Variants in ZNF704 observed in about 807,000 individuals in gnomAD.
ZNF704 encodes glucocorticoid induced gene 1.
In ZNF704, 10 loss-of-function variants were observed where a neutral mutation model predicts 44.7. The observed-to-expected ratio is 0.22, with a 90% confidence interval of 0.14 to 0.38. ZNF704 has a LOEUF of 0.38. Among genes scored for constraint, ZNF704 ranks in the 10% least tolerant of loss-of-function variants. The pLI is 1.00. For synonymous variants in ZNF704, 211 were observed against 207.6 expected (o/e 1.02, Z -0.14); for missense variants, 390 against 545.5 (o/e 0.71, Z 2.84).
intron 2 of ZNF704, among the ~76,000 whole-genome samples, chr8:80,740,198 T>G (rs1016135075): frequency 1.3e-5 from 2 of 152,158 alleles, no homozygotes; most frequent in African/African-American, 2.4e-5. Context: ...TAATTATGCC[T>G]GAAAGCCCCA....
At chr8:80,867,874 C>T (rs1809183848) in intron 1 of ZNF704, among the ~76,000 whole-genome samples, 1 of 152,228 alleles carries the variant, frequency 6.6e-6, no homozygotes, top group African/African-American at 2.4e-5. Context: ...TATATTATCT[C>T]ATTTAAAAGC....
chr8:80,710,381 A>C (rs536300940), intron 2 of ZNF704, among the ~76,000 whole-genome samples: 1 of 152,160 alleles, frequency 6.6e-6, no homozygotes, highest in East Asian at 1.9e-4. Context: ...TACTCTCTTC[A>C]TTTTTTTAGG....
At chr8:80,826,140 G>C (rs28835025) in intron 1 of ZNF704, among the ~76,000 whole-genome samples, 32,169 of 151,864 alleles carry the variant, frequency 0.21, 4,745 homozygotes, top group African/African-American at 0.42. Flanking sequence ...AATCCAGGAG[G>C]TGGTTTTTTG....
At chr8:80,837,284 C>T (rs1038775959) in intron 1 of ZNF704, among the ~76,000 whole-genome samples, 1 of 152,220 alleles carries the variant, frequency 6.6e-6, no homozygotes, top group Non-Finnish European at 1.5e-5. Flanking sequence ...TCAAAGTATT[C>T]AACTTTAGTG....
chr8:80,752,992 G>A (rs1563541498), intron 2 of ZNF704, among the ~76,000 whole-genome samples: 1 of 152,306 alleles, frequency 6.6e-6, no homozygotes, highest in East Asian at 1.9e-4. Flanking sequence ...GTAGACAGTA[G>A]CCAGCCAACT....
At chr8:80,851,047 A>G (rs1808850355) in intron 1 of ZNF704, among the ~76,000 whole-genome samples, 1 of 152,222 alleles carries the variant, frequency 6.6e-6, no homozygotes, top group African/African-American at 2.4e-5. Flanking sequence ...GGCTTACTAC[A>G]CACCTAGGCT....
chr8:80,867,094 T>C (rs1353228375), intron 1 of ZNF704, among the ~76,000 whole-genome samples: 1 of 152,152 alleles, frequency 6.6e-6, no homozygotes, highest in Non-Finnish European at 1.5e-5. Flanking sequence ...AAGTTTACTA[T>C]CAGCACCACA....
chr8:80,724,085 G>A (rs1159177534), intron 2 of ZNF704, among the ~76,000 whole-genome samples: 2 of 152,048 alleles, frequency 1.3e-5, no homozygotes, highest in African/African-American at 2.4e-5. Context: ...TTCTTAGATG[G>A]GATTACTTTT....
chr8:80,780,037 T>C (rs1414981697), intron 2 of ZNF704, among the ~76,000 whole-genome samples: 2 of 152,018 alleles, frequency 1.3e-5, no homozygotes, highest in Non-Finnish European at 2.9e-5. Flanking sequence ...GAAAGATATC[T>C]GGGTGTTAGG....
At chr8:80,740,495 A>G (rs927643134) in intron 2 of ZNF704, among the ~76,000 whole-genome samples, 4 of 152,186 alleles carry the variant, frequency 2.6e-5, no homozygotes, top group African/African-American at 7.2e-5. Context: ...GGCCTAGTAA[A>G]ACCATGCAAT....
At position 80,723,438 on chromosome 8, in the gene ZNF704, G is replaced by A. The variant is rs59764566; in HGVS notation, c.222-30331C>T. Among the ~76,000 whole-genome samples the A allele has an allele frequency of 9.0e-4, 137 of 151,914 alleles. 1 individual carries two copies. The highest frequency in any genetic ancestry group is 3.2e-3 in the African/African-American group (135 of 41,544). ...AAATTTACAAATGTGTTTTAGAGAA[G>A]TATGTGATTGGTAAAAAAACATTGA... On this transcript the variant is annotated intron_variant, in intron 2 of 8. Transcript: ENST00000327835.
At chr8:80,677,411 AT>A (rs1818385804) in intron 4 of ZNF704, among the ~76,000 whole-genome samples, 1 of 152,170 alleles carries the variant, frequency 6.6e-6, no homozygotes, top group Admixed American at 6.5e-5. Flanking sequence ...CATAATTTTC[AT>A]TTGTTACTTC....
intron 4 of ZNF704, among the ~76,000 whole-genome samples, chr8:80,678,771 T>G (rs1429284328): frequency 6.6e-6 from 1 of 152,168 alleles, no homozygotes; most frequent in East Asian, 1.9e-4. Flanking sequence ...TGACCTGTCG[T>G]ATTTGACCTG....
At chr8:80,676,845 T>C (rs1397612625) in intron 4 of ZNF704, among the ~76,000 whole-genome samples, 1 of 152,202 alleles carries the variant, frequency 6.6e-6, no homozygotes, top group African/African-American at 2.4e-5. Context: ...TTCATGCTCC[T>C]ATGAGAATCT....
chr8:80,836,641 C>T (rs1475979466), intron 1 of ZNF704, among the ~76,000 whole-genome samples: 2 of 151,982 alleles, frequency 1.3e-5, no homozygotes, highest in African/African-American at 2.4e-5. Flanking sequence ...GCTGGGACTA[C>T]AGGCATGGTG....
chr8:80,664,880 T>C lies in ZNF704; in HGVS notation c.862A>G (p.Met288Val), dbSNP rs1340223493. The change falls in exon 6 of 9, where the codon ATG becomes GTG. Residue 288 changes from methionine (M) to valine (V), a missense_variant. By Grantham distance (21) the Met-to-Val change is conservative. Transcript: ENST00000327835. ...TPCAKTETKLMTPLSRSAPTT... is the reference protein window; with the variant it reads ...TPCAKTETKLVTPLSRSAPTT... ...GGAGCTGAGCGGCTCAACGGCGTCA[T>C]CAACTTAGTCTCCGTTTTGGCACAA... is the stretch of plus-strand genomic sequence containing the variant. 2.5e-6 allele frequency: 4 copies of C among 1,614,058 alleles called. No individual in the cohort carries two copies. The highest frequency in any genetic ancestry group is 3.3e-5 in the Admixed American group (2 of 60,008).
chr8:80,865,212 C>T (rs530498430), intron 1 of ZNF704, among the ~76,000 whole-genome samples: 2 of 152,190 alleles, frequency 1.3e-5, no homozygotes, highest in East Asian at 3.9e-4. Flanking sequence ...AAATTGCCAC[C>T]CATGTCTAAT....
At chr8:80,877,536 C>G (rs549871884), upstream of ZNF704, among the ~76,000 whole-genome samples, 1 of 152,330 alleles carries the variant, frequency 6.6e-6, no homozygotes, top group South Asian at 2.1e-4. Context: ...TTCTTTCCCC[C>G]ACATTCCCTA....
rs748614950 is a variant in ZNF704, at chr8:80,687,359, G to A, written c.425C>T (p.Pro142Leu). The A allele has an allele frequency of 1.2e-6, 2 of 1,608,136 alleles. No individual in the cohort carries two copies. Among genetic ancestry groups the A allele is most frequent in the South Asian group, 1.1e-5 (1 of 91,018 alleles). ...CGAGAGCGGCGGCGACGGCGTGGAC[G>A]GGTTGGACTGGTCGCTGGGGGCGCT... Reference protein sequence around the residue: ...SWSAPSDQSNPSTPSPPLSAD... With the variant: ...SWSAPSDQSNLSTPSPPLSAD... Residue 142 changes from proline (P) to leucine (L), a missense_variant, in exon 4 of 9, where the codon CCG (proline) becomes CTG (leucine). Pro to Leu is a moderately conservative substitution (Grantham distance 98). Around this residue, in one of 3 missense-constraint regions of ZNF704, gnomAD observed 305 missense variants for 435.7 expected, o/e 0.70. Coordinates refer to ENST00000327835, the MANE Select transcript of ZNF704 (RefSeq NM_001033723.3).
Sources: gnomAD v4.1 joint callset for allele counts (sites outside exome capture counted in the v4.1 genomes callset) on GRCh38, gnomAD v4.1.1 for gene constraint, gnomAD v4.1.1 regional missense constraint, MANE v1.5 for transcripts, NCBI Gene and HGNC (gene_info 2026-07-23, HGNC 2026-07-21) for gene names.